Variants in AHRR observed in about 807,000 individuals in gnomAD.
AHRR encodes aryl hydrocarbon receptor repressor.
AHRR carries 28 observed loss-of-function variants against 44.0 expected under a neutral mutation model. That is an observed-to-expected ratio of 0.64 (90% CI 0.47 to 0.87). The LOEUF is 0.87. AHRR is among the 40% of genes least tolerant of loss of function. The pLI is 0.00. For synonymous variants in AHRR, 434 were observed against 407.0 expected (o/e 1.07, Z -0.80); for missense variants, 990 against 953.9 (o/e 1.04, Z -0.50).
chr5:398,822 C>A (rs904262002), intron 4 of AHRR, among the ~76,000 whole-genome samples: 2 of 152,194 alleles, frequency 1.3e-5, no homozygotes, highest in African/African-American at 2.4e-5. Flanking sequence ...GAGTGGCCCT[C>A]AGCAAACTGT....
At chr5:344,091 G>C in intron 2 of AHRR, 127 bp downstream of exon 2, 3 of 1,035,472 alleles carry the variant, frequency 2.9e-6, no homozygotes, top group South Asian at 1.5e-5. Context: ...CGGGCGGGCC[G>C]GGGCTGAGCT....
rs1486356646 is a variant in AHRR at position 370,092 on chromosome 5, G to A, written c.245-6518G>A. ...CTCCCGGGCCCTCGCTGGAAGCCCC[G>A]TCCTCCCGGGCCCTCGCTGGAAGCC... On this transcript the variant is annotated intron_variant, in intron 3 of 10. Transcript: ENST00000684583. This position sits in a 1 kb window ranked among gnomAD's most constrained non-coding sequence, Gnocchi z 4.5. 5.3e-5 allele frequency among the ~76,000 whole-genome samples: 8 copies of A among 150,434 alleles called. No homozygotes were observed. The highest frequency in any genetic ancestry group is 7.5e-5 in the African/African-American group (3 of 40,186).
Position 405,429 on chromosome 5 carries a change from G to A in AHRR, c.352-7915G>A, listed in dbSNP as rs894363227. ...TAAAGCATTGGCCTATTTTGTCACCGTGGAGCAGCCTATGGTGTTGCCCGC... is the reference window on the plus strand; with the variant it reads ...TAAAGCATTGGCCTATTTTGTCACCATGGAGCAGCCTATGGTGTTGCCCGC... On this transcript the variant is annotated intron_variant, in intron 4 of 10. Transcript: ENST00000684583. The surrounding 1 kb of genome is among the most constrained non-coding windows in gnomAD (Gnocchi z 4.5). 4.6e-5 allele frequency among the ~76,000 whole-genome samples: 7 copies of A among 152,158 alleles called. No individual in the cohort carries two copies. The highest frequency in any genetic ancestry group is 7.4e-5 in the Non-Finnish European group (5 of 68,020).
intron 4 of AHRR, among the ~76,000 whole-genome samples, chr5:409,152 A>G (rs1441685307): frequency 1.3e-5 from 2 of 152,320 alleles, no homozygotes; most frequent in South Asian, 2.1e-4. Flanking sequence ...ATGTTTTTGC[A>G]TATTTGGTAG....
At chr5:423,390 G>A (rs961703244) in intron 6 of AHRR, among the ~76,000 whole-genome samples, 1 of 152,198 alleles carries the variant, frequency 6.6e-6, no homozygotes, top group African/African-American at 2.4e-5. Flanking sequence ...ACAGGCGGGG[G>A]CTGTGCTGGG....
In AHRR at chr5:393,032, T is replaced by A. The variant is rs538667758; in HGVS notation, c.351+16316T>A. Among the ~76,000 whole-genome samples the A allele has an allele frequency of 2.6e-5, 4 of 152,316 alleles. No homozygotes were observed. The South Asian group carries it at 8.3e-4, about 32-fold the overall frequency. On this transcript the variant is annotated intron_variant, in intron 4 of 10. Transcript: ENST00000684583. ...ATTTCTGTCATCCTATTTTGTATTT[T>A]CCATTCACTGCACATCCTTTGGGTT...
At chr5:433,725 T>C in intron 10 of AHRR, 128 bp from the exon 11 acceptor site, 1 of 1,097,174 alleles carries the variant, frequency 9.1e-7, no homozygotes, top group African/African-American at 1.7e-5. Flanking sequence ...CAGTGAGGGG[T>C]CGGTGTAGCA....
intron 8 of AHRR, among the ~76,000 whole-genome samples, chr5:431,455 A>G (rs923816190): frequency 6.6e-6 from 1 of 152,246 alleles, no homozygotes; most frequent in African/African-American, 2.4e-5. Context: ...AGCTGGATTC[A>G]GAAGCCGGCT....
intron 3 of AHRR, among the ~76,000 whole-genome samples, chr5:376,022 T>C (rs1733607453): frequency 9.1e-6 from 1 of 109,382 alleles, no homozygotes. Flanking sequence ...TGCGGTGTTC[T>C]GTGCGGCCCC....
intron 2 of AHRR, among the ~76,000 whole-genome samples, chr5:349,117 G>C (rs952052427): frequency 6.6e-6 from 1 of 152,178 alleles, no homozygotes; most frequent in African/African-American, 2.4e-5. Context: ...ATCTTGTCTG[G>C]TGGTGTCTGT....
At position 436,878 on chromosome 5, in the gene AHRR, G is replaced by A. The variant is rs1004000130; in HGVS notation, c.*2044G>A. On this transcript the variant is annotated 3_prime_UTR_variant, in exon 11 of 11. Transcript: ENST00000684583. ...AGGACTGGCGCCTACTTCCCACTTT[G>A]GCCCTACACTGGCACAGAGCCCCTC... The A allele has an allele frequency of 2.0e-5, 3 of 152,358 alleles. No homozygotes were observed. The highest frequency in any genetic ancestry group is 4.8e-5 in the African/African-American group (2 of 41,440). 9.4% of individuals were successfully genotyped at this position (152,358 alleles called of 1,614,324 possible).
At chr5:421,110 C>T (rs1736089378) in intron 5 of AHRR, 2 of 549,510 alleles carry the variant, frequency 3.6e-6, no homozygotes, top group Admixed American at 3.5e-5. Flanking sequence ...GAAGGTGCAG[C>T]GGCTGGAGCG....
At chr5:353,624 C>A in intron 2 of AHRR, 106 bp from the exon 3 acceptor site, 1 of 1,026,886 alleles carries the variant, frequency 9.7e-7, no homozygotes, top group Non-Finnish European at 1.4e-6. Context: ...GTCCTGGCAG[C>A]AGCGTAGATG....
intron 1 of AHRR, among the ~76,000 whole-genome samples, chr5:335,294 C>T (rs1742081086): frequency 6.6e-6 from 1 of 152,120 alleles, no homozygotes; most frequent in Non-Finnish European, 1.5e-5. Flanking sequence ...TGGTGAGATG[C>T]ACTTTTGGGT....
Position 411,785 on chromosome 5 carries a change from T to G in AHRR, c.352-1559T>G, listed in dbSNP as rs1735475294. On this transcript the variant is annotated intron_variant, in intron 4 of 10. Transcript: ENST00000684583. This position sits in a 1 kb window ranked among gnomAD's most constrained non-coding sequence, Gnocchi z 4.2. Reference sequence around the variant, plus strand: ...CTGACAGCCACAAACATCATGGGAGTTAAAGTCTCCGAATGTCTGTGTTTT... The same window carrying G: ...CTGACAGCCACAAACATCATGGGAGGTAAAGTCTCCGAATGTCTGTGTTTT... Among the ~76,000 whole-genome samples the G allele has an allele frequency of 6.6e-6, 1 of 152,070 alleles. No individual in the cohort carries two copies. The highest frequency in any genetic ancestry group is 2.4e-5 in the African/African-American group (1 of 41,396).
At chr5:376,274 G>A (rs1397384974) in intron 3 of AHRR, among the ~76,000 whole-genome samples, 2 of 152,182 alleles carry the variant, frequency 1.3e-5, no homozygotes, top group East Asian at 1.9e-4. Context: ...GACTGGGTGG[G>A]GGCCCTGGGG....
chr5:403,893 A>G lies in AHRR; in HGVS notation c.352-9451A>G, dbSNP rs552424440. ...TTCCTCCTTGAACAGCTTGTGGCCT[A>G]GATGAGAATGTAGCTATTCCAGGCA... On this transcript the variant is annotated intron_variant, in intron 4 of 10. Coordinates refer to ENST00000684583, the MANE Select transcript of AHRR (RefSeq NM_001377236.1). The G allele has an allele frequency of 8.2e-5, 130 of 1,587,810 alleles. No individual in the cohort carries two copies. In the African/African-American group the frequency reaches 1.5e-3, roughly 18 times the overall value.
In AHRR at chr5:434,166, G is replaced by A. The variant is rs1736878195; in HGVS notation, c.1426G>A (p.Val476Met). The A allele has an allele frequency of 1.9e-6, 3 of 1,603,702 alleles. No individual in the cohort carries two copies. The highest frequency in any genetic ancestry group is 2.7e-5 in the African/African-American group (2 of 74,922). Reference sequence around the variant, plus strand: ...CATGCGGGATGTCGGTGAGGACCAGGTGCACCCTCCCCTCTGCCACTTTCC... The same window carrying A: ...CATGCGGGATGTCGGTGAGGACCAGATGCACCCTCCCCTCTGCCACTTTCC... Reference protein sequence around the residue: ...RPMRDVGEDQVHPPLCHFPQR... With the variant: ...RPMRDVGEDQMHPPLCHFPQR... The change falls in exon 11 of 11, where the codon GTG becomes ATG. Residue 476 changes from valine to methionine, a missense_variant. Physicochemically the swap from Val to Met is conservative, Grantham distance 21. Transcript: ENST00000684583.
intron 3 of AHRR, among the ~76,000 whole-genome samples, chr5:363,250 G>T (rs1743241047): frequency 6.6e-6 from 1 of 152,204 alleles, no homozygotes; most frequent in African/African-American, 2.4e-5. Context: ...GTTCTGTATG[G>T]CTGGCATGGC....
Sources: allele counts gnomAD v4.1 joint callset (sites outside exome capture counted in the v4.1 genomes callset), GRCh38; gene constraint gnomAD v4.1.1; non-coding constraint Gnocchi (gnomAD v3.1); transcripts MANE v1.5; gene names NCBI Gene and HGNC (gene_info 2026-07-23, HGNC 2026-07-21).